The following EPS8L2 variants were observed in gnomAD, a reference collection of about 807,000 sequenced individuals.
EPS8L2 encodes the protein EPS8 signaling adaptor L2.
EPS8L2 carries 81 observed loss-of-function variants against 99.4 expected under a neutral mutation model. The observed-to-expected ratio is 0.82, with a 90% CI of 0.68 to 0.98. EPS8L2 has a LOEUF of 0.98. Ranked by LOEUF, EPS8L2 falls within the 50% of genes least tolerant of loss-of-function variation. EPS8L2 has a pLI of 0.00. For missense variants in EPS8L2, 1,155 were observed against 968.8 expected (o/e 1.19, Z -2.55); for synonymous variants, 509 against 407.3 (o/e 1.25, Z -3.01).
intron 4 of EPS8L2, 35 bp from the exon 5 acceptor site, chr11:720,027 G>T: frequency 6.3e-7 from 1 of 1,585,838 alleles, no homozygotes; most frequent in South Asian, 1.1e-5. Flanking sequence ...CACAAGGAGG[G>T]CTCTGCCCAG....
intron 4 of EPS8L2, among the ~76,000 whole-genome samples, chr11:718,885 A>G (rs1309777194): frequency 4.1e-5 from 6 of 145,528 alleles, no homozygotes; most frequent in East Asian, 2.0e-4. Flanking sequence ...AGCCAGGATG[A>G]TCTCAATCTC....
chr11:707,962 T>G (rs972751186), intron 1 of EPS8L2, among the ~76,000 whole-genome samples: 1 of 152,090 alleles, frequency 6.6e-6, no homozygotes, highest in Non-Finnish European at 1.5e-5. Flanking sequence ...TCTCCACGGA[T>G]AGATGGATGG....
At chr11:721,481 C>G (rs555838923) in intron 9 of EPS8L2, 84 bp from the exon 10 acceptor site, 5 of 1,505,040 alleles carry the variant, frequency 3.3e-6, no homozygotes, top group Admixed American at 2.5e-5. Context: ...CCCAGCTCCT[C>G]CCATCATCTG....
Position 726,331 on chromosome 11 carries a change from A to C in EPS8L2, c.1781A>C (p.Asn594Thr), listed in dbSNP as rs1264595364. 6.2e-7 allele frequency: 1 copy of C among 1,610,414 alleles called. No homozygotes were observed. The highest frequency in any genetic ancestry group is 1.3e-5 in the African/African-American group (1 of 74,802). Residue 594 changes from asparagine (N) to threonine (T), a missense_variant, in exon 19 of 21, where the codon AAC becomes ACC. Coordinates refer to ENST00000318562, the MANE Select transcript of EPS8L2 (RefSeq NM_022772.4). The part of the protein sequence containing the change: ...DELMQHMDEV[N>T]DELIRKISNI... ...CTCATGCAGCACATGGACGAGGTCA[A>C]CGACGAGCTCATCCGGAAAATCAGC...
intron 4 of EPS8L2, among the ~76,000 whole-genome samples, chr11:713,443 G>A (rs888000139): frequency 1.3e-5 from 2 of 152,194 alleles, no homozygotes; most frequent in African/African-American, 2.4e-5. Context: ...GTGCAATGGC[G>A]CGATCTCAGC....
rs1862117033 is a variant in EPS8L2 at position 720,134 on chromosome 11, C to A, written c.238C>A (p.Gln80Lys). 1 of 1,613,322 alleles carries A rather than the reference C, an allele frequency of 6.2e-7. No individual in the cohort carries two copies. The highest frequency in any genetic ancestry group is 8.5e-7 in the Non-Finnish European group (1 of 1,179,938). The change falls in exon 5 of 21, where the codon CAG becomes AAG. Residue 80 changes from glutamine (Q) to lysine (K), a missense_variant. Transcript: ENST00000318562. ...SVDDAIRKLV[Q>K]LSSKEKIWTQ... ...GGACGACGCCATCCGGAAGCTGGTGCAGCTGAGCTCCAAGGAGAAGATCTG... is the reference window on the plus strand; with the variant it reads ...GGACGACGCCATCCGGAAGCTGGTGAAGCTGAGCTCCAAGGAGAAGATCTG...
chr11:715,122 G>T (rs796608823), intron 4 of EPS8L2, among the ~76,000 whole-genome samples: 2 of 152,024 alleles, frequency 1.3e-5, no homozygotes. Flanking sequence ...GGTGCCTGTA[G>T]TCCCAGCTAC....
intron 4 of EPS8L2, among the ~76,000 whole-genome samples, chr11:715,701 A>G (rs1030415181): frequency 2.7e-5 from 4 of 148,772 alleles, no homozygotes; most frequent in African/African-American, 1.0e-4. Flanking sequence ...ATTCACTGCA[A>G]GCTCCGCCTC....
chr11:726,974 A>G lies in EPS8L2; in HGVS notation c.2141A>G (p.Asp714Gly), dbSNP rs750904845. 1.9e-6 allele frequency: 3 copies of G among 1,612,580 alleles called. No homozygotes were observed. The highest frequency in any genetic ancestry group is 1.3e-5 in the African/African-American group (1 of 75,042). ...TCCATGAATCAGAGGAGGGGGGAGG[A>G]CAGCTAGGCCCAGCTGCCTTGGGCT... The part of the protein sequence containing the change: ...FHSMNQRRGE[D>G]S The change falls in exon 21 of 21, where the codon GAC (aspartate) becomes GGC (glycine). Residue 714 changes from aspartate (D) to glycine (G), a missense_variant. Asp to Gly is a moderately conservative substitution (Grantham distance 94, BLOSUM62 -1). Coordinates refer to ENST00000318562, the MANE Select transcript of EPS8L2 (RefSeq NM_022772.4).
At chr11:723,131 T>G in intron 14 of EPS8L2, 110 bp from the exon 15 acceptor site, 1 of 619,446 alleles carries the variant, frequency 1.6e-6, no homozygotes, top group South Asian at 1.9e-5. Context: ...TCCATCACCC[T>G]CAGTGATGCA....
rs976529477 is a variant in EPS8L2 at position 720,860 on chromosome 11, G to T, written c.508G>T (p.Ala170Ser). The T allele has an allele frequency of 3.9e-6, 6 of 1,535,210 alleles. No individual in the cohort carries two copies. The African/African-American group carries it at 5.5e-5, about 14-fold the overall frequency. Residue 170 changes from alanine to serine, a missense_variant, in exon 7 of 21, where the codon GCG (alanine) becomes TCG (serine). Coordinates refer to ENST00000318562, the MANE Select transcript of EPS8L2 (RefSeq NM_022772.4). ...AELVHEDIES[A>S]LADCRLGKKM... ...GCTGGTGCACGAGGACATCGAGAGCGCGTTGGCCGACTGCCGGCTGGGCAA... is the reference window on the plus strand; with the variant it reads ...GCTGGTGCACGAGGACATCGAGAGCTCGTTGGCCGACTGCCGGCTGGGCAA...
Position 709,575 on chromosome 11 carries a change from G to C in EPS8L2, c.67G>C (p.Gly23Arg), listed in dbSNP as rs184546589. The C allele has an allele frequency of 6.2e-7, 1 of 1,612,634 alleles. No homozygotes were observed. The highest frequency in any genetic ancestry group is 1.3e-5 in the African/African-American group (1 of 74,988). ...CAGTGGCAGCCTGGGCCGGTCCGAC[G>C]GTGTGGCCAAGATGAGCCCCAAGGA... Reference protein sequence around the residue: ...ATNGSLGRSDGVAKMSPKDLF... With the variant: ...ATNGSLGRSDRVAKMSPKDLF... The change falls in exon 3 of 21, where the codon GGT becomes CGT. Residue 23 changes from glycine to arginine, a missense_variant. Coordinates refer to ENST00000318562, the MANE Select transcript of EPS8L2 (RefSeq NM_022772.4).
Position 724,956 on chromosome 11 carries a change from G to A in EPS8L2, c.1560+127G>A. ...GATGCCAGGACGGGGCACAGCTGCT[G>A]GCCCCTTTCTCCAGGGTCCCCGCCC... is the stretch of plus-strand genomic sequence containing the variant. On this transcript the variant is annotated intron_variant, in intron 16 of 20. Transcript: ENST00000318562. The surrounding 1 kb of genome is among the most constrained non-coding windows in gnomAD (Gnocchi z 5.5). 1 of 701,422 alleles carries A rather than the reference G, an allele frequency of 1.4e-6. No homozygotes were observed. The highest frequency in any genetic ancestry group is 2.5e-6 in the Non-Finnish European group (1 of 400,900). 43.4% of individuals were successfully genotyped at this position (701,422 alleles called of 1,614,324 possible). A position where few individuals can be genotyped will look rare whatever the true frequency, so the allele number is the denominator to read the frequency against.
chr11:720,475 G>A (rs1211076487), intron 5 of EPS8L2, 122 bp from the exon 6 acceptor site: 1 of 1,461,936 alleles, frequency 6.8e-7, no homozygotes, highest in Admixed American at 2.0e-5. Flanking sequence ...CTCATCTTTG[G>A]GAGCCCATTC....
In EPS8L2 at chr11:710,498, C is replaced by A; in HGVS notation, c.165+12C>A. ...AGTACCACGTCCAGGTAAGGCCCCG[C>A]CCCCAGGTAGGCTCCGCCCCCAGGG... On this transcript the variant is annotated intron_variant, in intron 4 of 20. Transcript: ENST00000318562. 2 of 1,612,356 alleles carry A rather than the reference C, an allele frequency of 1.2e-6. No homozygotes were observed. The highest frequency in any genetic ancestry group is 1.7e-6 in the Non-Finnish European group (2 of 1,178,780).
intron 19 of EPS8L2, 67 bp from the exon 20 acceptor site, chr11:726,552 C>G (rs772839883): frequency 6.6e-7 from 1 of 1,506,964 alleles, no homozygotes; most frequent in Non-Finnish European, 8.9e-7. Context: ...AGGTGCGCAG[C>G]TGTCGGGGCG....
intron 3 of EPS8L2, chr11:710,005 C>T (rs1861841972): frequency 2.6e-6 from 1 of 379,396 alleles, no homozygotes. Context: ...TAGATGCACC[C>T]TTCACTTATG....
chr11:722,128 C>T lies in EPS8L2; in HGVS notation c.1022C>T (p.Ala341Val), dbSNP rs750908288. 20 of 1,612,852 alleles carry T rather than the reference C, an allele frequency of 1.2e-5. No homozygotes were observed. The highest frequency in any genetic ancestry group is 3.3e-4 in the Middle Eastern group (2 of 6,076). ...AAGCACATCCAGAACCCCAGCGCCG[C>T]GGAGCTCGTGCACTTCCTCTTCGGG... ...LQKHIQNPSA[A>V]ELVHFLFGPL... The change falls in exon 12 of 21, where the codon GCG becomes GTG. Residue 341 changes from alanine to valine, a missense_variant. Transcript: ENST00000318562.
rs544617182 is a variant in EPS8L2 at position 727,124 on chromosome 11, G to A, written c.*143G>A. 12 of 643,364 alleles carry A rather than the reference G, an allele frequency of 1.9e-5. No homozygotes were observed. The highest frequency in any genetic ancestry group is 3.3e-5 in the Non-Finnish European group (12 of 367,622). The allele number at this position is 643,364 out of a possible 1,614,324, so 39.9% of individuals were successfully genotyped here. On this transcript the variant is annotated 3_prime_UTR_variant, in exon 21 of 21. Transcript: ENST00000318562. Reference sequence around the variant, plus strand: ...TAGAGGTCCCTGCCCCTGTCTGGAGGCACAACGCCCATCCTTAGGCCAAAC... The same window carrying A: ...TAGAGGTCCCTGCCCCTGTCTGGAGACACAACGCCCATCCTTAGGCCAAAC...
Sources: allele counts gnomAD v4.1 joint callset (sites outside exome capture counted in the v4.1 genomes callset), GRCh38; gene constraint gnomAD v4.1.1; non-coding constraint Gnocchi (gnomAD v3.1); transcripts MANE v1.5; gene names NCBI Gene and HGNC (gene_info 2026-07-23, HGNC 2026-07-21).